Variants in DOK5 observed in about 807,000 individuals in gnomAD.
DOK5 encodes downstream of tyrosine kinase 5.
DOK5 carries 27 observed loss-of-function variants against 43.3 expected under a neutral mutation model. The observed-to-expected ratio is 0.62, with a 90% CI of 0.46 to 0.86. DOK5 has a LOEUF of 0.86. DOK5 is among the 40% of genes least tolerant of loss of function. The pLI is 0.00. For synonymous variants in DOK5, 146 were observed against 140.1 expected, an observed-to-expected ratio of 1.04 and a Z score of -0.30; for missense variants, 373 against 392.9, an observed-to-expected ratio of 0.95 and a Z score of 0.43.
chr20:54,548,994 A>G (rs991644035), intron 1 of DOK5, among the ~76,000 whole-genome samples: 2 of 152,208 alleles, frequency 1.3e-5, no homozygotes, highest in Non-Finnish European at 2.9e-5. Flanking sequence ...CTCAAACTCA[A>G]GATGGCAGCT....
At chr20:54,644,852 GAGCAAAACTCCATCTCA>G (rs1234722847) in intron 7 of DOK5, among the ~76,000 whole-genome samples, 6 of 143,832 alleles carry the variant, frequency 4.2e-5, no homozygotes, top group Non-Finnish European at 7.6e-5. Flanking sequence ...TGGGCAACAA[GAGCAAAACTCCATCTCA>G]AAAAAAAAAA....
intron 6 of DOK5, among the ~76,000 whole-genome samples, chr20:54,624,260 T>G (rs943741988): frequency 3.9e-5 from 6 of 152,216 alleles, no homozygotes; most frequent in Non-Finnish European, 8.8e-5. Context: ...TGGCATCTTG[T>G]CACAAAAGCA....
At chr20:54,622,215 AAT>A (rs201208761) in intron 6 of DOK5, among the ~76,000 whole-genome samples, 52 of 151,414 alleles carry the variant, frequency 3.4e-4, no homozygotes, top group African/African-American at 1.2e-3. Flanking sequence ...AAATAAAAAA[AAT>A]AAAATAAAAA....
intron 1 of DOK5, among the ~76,000 whole-genome samples, chr20:54,495,395 T>C (rs1282319418): frequency 6.6e-6 from 1 of 152,210 alleles, no homozygotes; most frequent in Non-Finnish European, 1.5e-5. Flanking sequence ...CTTTTGTCTG[T>C]GGGATTGATT....
intron 6 of DOK5, among the ~76,000 whole-genome samples, chr20:54,634,440 T>A (rs1190374196): frequency 9.0e-6 from 1 of 110,992 alleles, no homozygotes; most frequent in Non-Finnish European, 1.8e-5. Context: ...TATCATGCTT[T>A]TTTTTTTTTT....
chr20:54,525,854 GC>G (rs1234655552), intron 1 of DOK5, among the ~76,000 whole-genome samples: 1 of 152,124 alleles, frequency 6.6e-6, no homozygotes, highest in East Asian at 1.9e-4. Context: ...TTGTATTCAG[GC>G]CTTCTAATGC....
chr20:54,646,246 C>CTGTTTTTTTTTTT (rs1568828098), intron 7 of DOK5, among the ~76,000 whole-genome samples: 4 of 80,674 alleles, frequency 5.0e-5, no homozygotes, highest in African/African-American at 1.8e-4. Flanking sequence ...ACTGGTTATA[C>CTGTTTTTTTTTTT]TGTTTTTTTT....
chr20:54,522,944 TA>T (rs1983462891), intron 1 of DOK5, among the ~76,000 whole-genome samples: 1 of 152,218 alleles, frequency 6.6e-6, no homozygotes, highest in Non-Finnish European at 1.5e-5. Context: ...TTTTCTTAAG[TA>T]AGGTTGAGTG....
intron 5 of DOK5, among the ~76,000 whole-genome samples, chr20:54,608,923 C>G (rs1986555346): frequency 6.6e-6 from 1 of 152,136 alleles, no homozygotes; most frequent in African/African-American, 2.4e-5. Flanking sequence ...CATCCGCCCA[C>G]CTTGGCCTCC....
At chr20:54,563,057 A>G (rs1473042940) in intron 2 of DOK5, among the ~76,000 whole-genome samples, 1 of 152,198 alleles carries the variant, frequency 6.6e-6, no homozygotes, top group African/African-American at 2.4e-5. Context: ...ACAGGCAGAC[A>G]CTGGAGTGAT....
rs576076180 is a variant in DOK5 at position 54,477,116 on chromosome 20, T to C, written c.66+1104T>C. Among the ~76,000 whole-genome samples, 103 of 152,264 alleles carry C rather than the reference T, an allele frequency of 6.8e-4. 1 individual carries two copies. Among genetic ancestry groups the C allele is most frequent in the African/African-American group, 2.4e-3 (99 of 41,542 alleles). On this transcript the variant is annotated intron_variant, in intron 1 of 7. Coordinates refer to ENST00000262593, the MANE Select transcript of DOK5 (RefSeq NM_018431.5). ...GAAATAAGTATAATGTCAGTAATCGTGTGGAATGCCGCCATTGATAATGAG... is the reference window on the plus strand; with the variant it reads ...GAAATAAGTATAATGTCAGTAATCGCGTGGAATGCCGCCATTGATAATGAG...
At position 54,614,797 on chromosome 20, in the gene DOK5, C is replaced by T. The variant is rs189178502; in HGVS notation, c.735+4274C>T. Among the ~76,000 whole-genome samples, 17 of 152,186 alleles carry T rather than the reference C, an allele frequency of 1.1e-4. No homozygotes were observed. The East Asian group carries it at 1.9e-3, about 17-fold the overall frequency. On this transcript the variant is annotated intron_variant, in intron 6 of 7. Coordinates refer to ENST00000262593, the MANE Select transcript of DOK5 (RefSeq NM_018431.5). ...TGGATCTGAATCTTAAGGAGTTAAACGAGGGATTGTGAAAAGCTTAAAATC... is the reference window on the plus strand; with the variant it reads ...TGGATCTGAATCTTAAGGAGTTAAATGAGGGATTGTGAAAAGCTTAAAATC...
chr20:54,594,806 G>T (rs1412064097), intron 5 of DOK5, among the ~76,000 whole-genome samples: 1 of 152,110 alleles, frequency 6.6e-6, no homozygotes, highest in African/African-American at 2.4e-5. Flanking sequence ...TTGAAAACAT[G>T]TTATCTTATT....
intron 6 of DOK5, among the ~76,000 whole-genome samples, chr20:54,631,970 C>CA (rs1182607049): frequency 5.3e-5 from 8 of 151,914 alleles, no homozygotes; most frequent in African/African-American, 1.9e-4. Context: ...GACTCCGTCT[C>CA]AAAAACAAAA....
chr20:54,554,997 A>G lies in DOK5; in HGVS notation c.131A>G (p.Lys44Arg). 1 of 1,613,956 alleles carries G rather than the reference A, an allele frequency of 6.2e-7. No individual in the cohort carries two copies. Among genetic ancestry groups the G allele is most frequent in the Non-Finnish European group, 8.5e-7 (1 of 1,179,858 alleles). Residue 44 changes from lysine (K) to arginine (R), a missense_variant, in exon 2 of 8, where the codon AAA (lysine) becomes AGA (arginine). Lys to Arg is a conservative substitution (Grantham distance 26). Coordinates refer to ENST00000262593, the MANE Select transcript of DOK5 (RefSeq NM_018431.5). ...AGCAAAGGTCCAAAAAGACTGGAGAAATTTTCTGATGAACGTGCTGCATAT... is the reference window on the plus strand; with the variant it reads ...AGCAAAGGTCCAAAAAGACTGGAGAGATTTTCTGATGAACGTGCTGCATAT... ...ASSKGPKRLE[K>R]FSDERAAYFR...
chr20:54,626,971 G>C (rs901583242), intron 6 of DOK5, among the ~76,000 whole-genome samples: 1 of 152,178 alleles, frequency 6.6e-6, no homozygotes, highest in African/African-American at 2.4e-5. Context: ...CAGCAGAGTC[G>C]AGTAGTTGGT....
intron 1 of DOK5, among the ~76,000 whole-genome samples, chr20:54,492,202 C>A (rs1187494902): frequency 6.6e-6 from 1 of 152,090 alleles, no homozygotes; most frequent in Admixed American, 6.6e-5. Context: ...AGACTGGTCT[C>A]ACTTCCTGGG....
At chr20:54,577,768 G>A (rs953954140) in intron 2 of DOK5, among the ~76,000 whole-genome samples, 30 of 152,334 alleles carry the variant, frequency 2.0e-4, no homozygotes, top group African/African-American at 7.0e-4. Flanking sequence ...GTTCACCTGT[G>A]TTCAGAAATC....
At chr20:54,637,184 C>G (rs1978863798) in intron 6 of DOK5, among the ~76,000 whole-genome samples, 1 of 152,212 alleles carries the variant, frequency 6.6e-6, no homozygotes, top group South Asian at 2.1e-4. Context: ...GCATGGTTAG[C>G]TTCTCTCCCC....
Sources: gnomAD v4.1 joint callset for allele counts (sites outside exome capture counted in the v4.1 genomes callset) on GRCh38, gnomAD v4.1.1 for gene constraint, MANE v1.5 for transcripts, NCBI Gene and HGNC (gene_info 2026-07-23, HGNC 2026-07-21) for gene names.